Variants in CDC25B observed in about 807,000 individuals in gnomAD.
CDC25B encodes the protein cell division cycle 25B, also known as M-phase inducer phosphatase 2.
Under a neutral mutation model 69.8 loss-of-function variants are expected in CDC25B, and 33 were observed. The observed-to-expected ratio is 0.47, with a 90% CI of 0.36 to 0.63. The LOEUF (loss-of-function observed/expected upper bound fraction) is 0.63. CDC25B is among the 30% of genes least tolerant of loss of function. CDC25B has a pLI of 0.00. For synonymous variants in CDC25B, 341 were observed against 314.6 expected (o/e 1.08, Z -0.89); for missense variants, 727 against 809.1 (o/e 0.90, Z 1.23).
chr20:3,796,910 C>T (rs2089076949), intron 1 of CDC25B, among the ~76,000 whole-genome samples, 179 bp downstream of exon 1: 1 of 152,100 alleles, frequency 6.6e-6, no homozygotes, highest in Non-Finnish European at 1.5e-5. Flanking sequence ...GAAGTGAGAC[C>T]TGGGCTGTGC....
chr20:3,795,442 G>A (rs1326354727), upstream of CDC25B, among the ~76,000 whole-genome samples: 2 of 152,188 alleles, frequency 1.3e-5, no homozygotes, highest in Non-Finnish European at 2.9e-5. Context: ...TCCCTGGTCT[G>A]GTCATCAAAG....
chr20:3,804,841 C>T lies in CDC25B; in HGVS notation c.1623C>T (p.Asp541=). The T allele has an allele frequency of 6.2e-7, 1 of 1,614,212 alleles. No homozygotes were observed. The highest frequency in any genetic ancestry group is 8.5e-7 in the Non-Finnish European group (1 of 1,180,022). The change falls in exon 16 of 16, where the codon GAC becomes GAT. Residue 541 remains aspartate, a synonymous_variant. Coordinates refer to ENST00000245960, the MANE Select transcript of CDC25B (RefSeq NM_021873.4). The stretch of plus-strand genomic sequence containing the variant: ...CCTAGAACTTCTGTGAACCCCAGGA[C>T]TACCGGCCCATGAACCACGAGGCCT... ...PQHPNFCEPQ[D]YRPMNHEAFK...
chr20:3,795,609 C>A, upstream of CDC25B: 1 of 595,452 alleles, frequency 1.7e-6, no homozygotes, highest in Non-Finnish European at 2.1e-6. Context: ...TCTCCTGGGG[C>A]TGCCGCGAAA....
chr20:3,790,945 A>T (rs984967327), intron 1 of CDC25B, among the ~76,000 whole-genome samples: 1 of 152,090 alleles, frequency 6.6e-6, no homozygotes, highest in African/African-American at 2.4e-5. Flanking sequence ...AGCTCAAGCG[A>T]GTCTTCCTCC....
intron 8 of CDC25B, 68 bp from the exon 9 acceptor site, chr20:3,801,654 T>A: frequency 7.6e-7 from 1 of 1,316,638 alleles, no homozygotes. Context: ...TGCTGGAGGA[T>A]TCCGGGACTG....
chr20:3,800,208 C>CCCGGA, intron 3 of CDC25B, 80 bp from the exon 4 acceptor site: 1 of 577,892 alleles, frequency 1.7e-6, no homozygotes, highest in African/African-American at 4.7e-5. Context: ...CTTACTCCCC[C>CCCGGA]CTGGACTGGG....
chr20:3,802,024 A>C lies in CDC25B; in HGVS notation c.1022A>C (p.Asp341Ala). Residue 341 changes from aspartate (D) to alanine (A), a missense_variant, in exon 10 of 16, where the codon GAC becomes GCC. Asp to Ala is a moderately radical substitution (Grantham distance 126, BLOSUM62 -2). Transcript: ENST00000245960. ...PILKRLERPQ[D>A]RDTPVQNKRR... Reference sequence around the variant, plus strand: ...CTCAAGAGGCTGGAGCGGCCCCAGGACAGGGACACGCCCGTGCAGAATAAG... The same window carrying C: ...CTCAAGAGGCTGGAGCGGCCCCAGGCCAGGGACACGCCCGTGCAGAATAAG... 6.3e-7 allele frequency: 1 copy of C among 1,589,506 alleles called. No individual in the cohort carries two copies. The highest frequency in any genetic ancestry group is 8.6e-7 in the Non-Finnish European group (1 of 1,168,512).
chr20:3,790,498 CAAA>C (rs113095369), intron 1 of CDC25B, among the ~76,000 whole-genome samples: 9 of 92,780 alleles, frequency 9.7e-5, no homozygotes, highest in Admixed American at 1.2e-4. Flanking sequence ...AACTCTGTCT[CAAA>C]AAAAAAAAAA....
chr20:3,799,507 T>C (rs1453649229), intron 3 of CDC25B, among the ~76,000 whole-genome samples: 1 of 119,754 alleles, frequency 8.4e-6, no homozygotes, highest in Admixed American at 7.8e-5. Context: ...TGTGTGTGTG[T>C]GTGTGTGTGT....
chr20:3,798,237 G>A (rs2089135653), intron 2 of CDC25B, among the ~76,000 whole-genome samples, 175 bp from the exon 3 acceptor site: 1 of 152,042 alleles, frequency 6.6e-6, no homozygotes. Flanking sequence ...CCGTCTGGGG[G>A]ACGATGTGTC....
chr20:3,805,592 C>G lies in CDC25B; in HGVS notation c.*631C>G, dbSNP rs953622808. On this transcript the variant is annotated 3_prime_UTR_variant, in exon 16 of 16. Coordinates refer to ENST00000245960, the MANE Select transcript of CDC25B (RefSeq NM_021873.4). ...CTTTACGCCCATCTCAGGACACTTC[C>G]GTAGACTGTTTAGGTTCCCCTGTCA... is the stretch of plus-strand genomic sequence containing the variant. 2.5e-6 allele frequency: 1 copy of G among 396,698 alleles called. No individual in the cohort carries two copies. The highest frequency in any genetic ancestry group is 3.6e-5 in the East Asian group (1 of 27,960). 24.6% of individuals were successfully genotyped at this position (396,698 alleles called of 1,614,324 possible). A position where few individuals can be genotyped will look rare whatever the true frequency, so the allele number is the denominator to read the frequency against.
intron 3 of CDC25B, among the ~76,000 whole-genome samples, chr20:3,799,996 C>T (rs1358551920): frequency 2.0e-5 from 3 of 152,114 alleles, no homozygotes; most frequent in Non-Finnish European, 4.4e-5. Context: ...AGACTGTTGC[C>T]TTGGTGACGC....
chr20:3,795,157 C>A (rs562663175), upstream of CDC25B, among the ~76,000 whole-genome samples: 4 of 152,152 alleles, frequency 2.6e-5, no homozygotes, highest in Admixed American at 2.6e-4. Flanking sequence ...GTCAGGAGTT[C>A]GAGACCAGCC....
intron 1 of CDC25B, among the ~76,000 whole-genome samples, 193 bp downstream of exon 1, chr20:3,796,924 C>G (rs974310545): frequency 1.3e-5 from 2 of 152,090 alleles, no homozygotes; most frequent in Non-Finnish European, 2.9e-5. Flanking sequence ...GCTGTGCCCC[C>G]CACACCTCCA....
At position 3,802,338 on chromosome 20, in the gene CDC25B, G is replaced by A. The variant is rs1189313393; in HGVS notation, c.1156G>A (p.Asp386Asn). 34 of 1,498,978 alleles carry A rather than the reference G, an allele frequency of 2.3e-5. 1 individual carries two copies. The highest frequency in any genetic ancestry group is 3.0e-5 in the Non-Finnish European group (34 of 1,120,904). The allele number at this position is 1,498,978 out of a possible 1,614,324, so 92.9% of individuals were successfully genotyped here. ...LCHDEIENLL[D>N]SDHRELIGDY... ...TCACGATGAGATCGAGAACCTCCTG[G>A]ACAGTGACCACCGAGAGCTGATTGG... The change falls in exon 11 of 16, where the codon GAC (aspartate) becomes AAC (asparagine). Residue 386 changes from aspartate (D) to asparagine (N), a missense_variant. Physicochemically the swap from Asp to Asn is conservative, Grantham distance 23 (BLOSUM62 1). Transcript: ENST00000245960.
chr20:3,798,680 G>C lies in CDC25B; in HGVS notation c.380+217G>C, dbSNP rs143265821. The stretch of plus-strand genomic sequence containing the variant: ...CTGCTCTCATGGGAGCCAACCGAGT[G>C]TGGGCTCAGGGCCAGGGATAGTGGG... On this transcript the variant is annotated intron_variant, in intron 3 of 15. Transcript: ENST00000245960. 3.5e-3 allele frequency among the ~76,000 whole-genome samples: 530 copies of C among 152,326 alleles called. 2 individuals carry two copies. Among genetic ancestry groups the C allele is most frequent in the African/African-American group, 0.012 (503 of 41,570 alleles).
At chr20:3,798,325 T>TG in intron 2 of CDC25B, 87 bp from the exon 3 acceptor site, 1 of 684,524 alleles carries the variant, frequency 1.5e-6, no homozygotes, top group Non-Finnish European at 2.2e-6. Context: ...GTTTTTTTTT[T>TG]TTTTTTTTTT....
chr20:3,796,713 A>G lies in CDC25B; in HGVS notation c.182A>G (p.Asp61Gly). 1 of 1,568,960 alleles carries G rather than the reference A, an allele frequency of 6.4e-7. No homozygotes were observed. The highest frequency in any genetic ancestry group is 8.6e-7 in the Non-Finnish European group (1 of 1,166,448). The change falls in exon 1 of 16, where the codon GAC (aspartate) becomes GGC (glycine). Residue 61 changes from aspartate (D) to glycine (G), a missense_variant. By Grantham distance (94) the Asp-to-Gly change is moderately conservative (BLOSUM62 -1). Coordinates refer to ENST00000245960, the MANE Select transcript of CDC25B (RefSeq NM_021873.4). ...ACCACCCTCACCCAGACCATGCACG[A>G]CCTCGCCGGGCTCGGCAGGTAGGAC... ...PVTTLTQTMH[D>G]LAGLGSETPK...
chr20:3,796,814 G>GTCGAATCC, intron 1 of CDC25B, 83 bp downstream of exon 1: 1 of 1,473,610 alleles, frequency 6.8e-7, no homozygotes, highest in South Asian at 1.3e-5. Flanking sequence ...GGGCATGGTA[G>GTCGAATCC]TCGAATCCAG....
Sources: allele counts gnomAD v4.1 joint callset (sites outside exome capture counted in the v4.1 genomes callset), GRCh38; gene constraint gnomAD v4.1.1; transcripts MANE v1.5; gene names NCBI Gene and HGNC (gene_info 2026-07-23, HGNC 2026-07-21).